The following LASP1 variants were observed in gnomAD, a reference collection of about 807,000 sequenced individuals.
LASP1 encodes the protein LIM and SH3 domain protein 1.
Under a neutral mutation model 38.6 loss-of-function variants are expected in LASP1, and 10 were observed. That is an observed-to-expected ratio of 0.26 (90% CI 0.16 to 0.44). LASP1 has a LOEUF of 0.44. Ranked by LOEUF, LASP1 falls within the 20% of genes least tolerant of loss-of-function variation. The pLI, the probability that LASP1 is intolerant of heterozygous loss-of-function variation, is 1.00. For synonymous variants in LASP1, 132 were observed against 140.8 expected (o/e 0.94, Z 0.44); for missense variants, 243 against 375.7 (o/e 0.65, Z 2.92).
chr17:38,914,718 A>T (rs918279892), intron 5 of LASP1, among the ~76,000 whole-genome samples: 4 of 151,586 alleles, frequency 2.6e-5, no homozygotes, highest in Non-Finnish European at 5.9e-5. Context: ...ACACACATGC[A>T]CGCACGCATG....
At position 38,916,032 on chromosome 17, in the gene LASP1, G is replaced by GGACT. The variant is rs1487142536; in HGVS notation, c.612+886_612+887insGACT. The GGACT allele has an allele frequency of 3.3e-5, 5 of 152,298 alleles. 1 individual carries two copies. The highest frequency in any genetic ancestry group is 7.3e-5 in the Non-Finnish European group (5 of 68,100). The allele number at this position is 152,298 out of a possible 1,614,324, so 9.4% of individuals were successfully genotyped here. On this transcript the variant is annotated intron_variant, in intron 6 of 6. Coordinates refer to ENST00000318008, the MANE Select transcript of LASP1 (RefSeq NM_006148.4). ...GCACTGTGGGCGCAAGAGTTAGTCT[G>GGACT]AAGTATAAGGTTCCAGGCAGCCCAG...
chr17:38,870,519 G>A (rs1281759635), intron 1 of LASP1, among the ~76,000 whole-genome samples: 1 of 152,220 alleles, frequency 6.6e-6, no homozygotes, highest in African/African-American at 2.4e-5. Flanking sequence ...TGGGAGGACG[G>A]GAGAGGAGCA....
intron 1 of LASP1, among the ~76,000 whole-genome samples, chr17:38,876,021 T>C (rs1176158680): frequency 6.6e-6 from 1 of 152,088 alleles, no homozygotes; most frequent in Non-Finnish European, 1.5e-5. Flanking sequence ...GTCCTGGCAG[T>C]GGACCCCTGT....
chr17:38,910,530 T>A (rs1277406669), intron 4 of LASP1, among the ~76,000 whole-genome samples: 2 of 151,732 alleles, frequency 1.3e-5, no homozygotes, highest in Non-Finnish European at 2.9e-5. Context: ...CTGGATTTGG[T>A]CCATGGACCA....
intron 2 of LASP1, among the ~76,000 whole-genome samples, chr17:38,889,336 T>G (rs571158562): frequency 1.3e-5 from 2 of 152,254 alleles, no homozygotes; most frequent in East Asian, 3.9e-4. Context: ...TTCAGCATAT[T>G]GACCAGGCTA....
chr17:38,909,748 T>TTCAC (rs1914878591), intron 4 of LASP1, among the ~76,000 whole-genome samples: 1 of 152,078 alleles, frequency 6.6e-6, no homozygotes, highest in South Asian at 2.1e-4. Flanking sequence ...CATTCATTCA[T>TTCAC]TCATTCATTC....
chr17:38,914,923 G>C, intron 5 of LASP1, 120 bp from the exon 6 acceptor site: 1 of 868,914 alleles, frequency 1.2e-6, no homozygotes, highest in Non-Finnish European at 1.9e-6. Context: ...CCTTTGAGCT[G>C]TGGGGCTTGA....
intron 4 of LASP1, among the ~76,000 whole-genome samples, chr17:38,905,693 T>C (rs1914760547): frequency 2.6e-5 from 4 of 152,278 alleles, no homozygotes; most frequent in Admixed American, 2.6e-4. Context: ...GTGTAGAGTG[T>C]GATAGCCGAT....
chr17:38,908,944 G>A (rs1914847779), intron 4 of LASP1, among the ~76,000 whole-genome samples: 1 of 152,238 alleles, frequency 6.6e-6, no homozygotes, highest in Admixed American at 6.5e-5. Context: ...AGCCCTGATG[G>A]GGCAGGGGCG....
At chr17:38,874,644 C>T (rs1465981212) in intron 1 of LASP1, among the ~76,000 whole-genome samples, 2 of 152,184 alleles carry the variant, frequency 1.3e-5, no homozygotes, top group African/African-American at 4.8e-5. Flanking sequence ...GTGGCTGCAG[C>T]TCCACTTGAC....
At chr17:38,881,087 C>T (rs537815879) in intron 2 of LASP1, among the ~76,000 whole-genome samples, 14 of 151,556 alleles carry the variant, frequency 9.2e-5, no homozygotes, top group Admixed American at 2.6e-4. Context: ...AGCGACAGAG[C>T]GAGACTCCAT....
rs541918201 is a variant in LASP1, at chr17:38,919,731, A to G, written c.*953A>G. The G allele has an allele frequency of 1.2e-4, 46 of 396,678 alleles. No homozygotes were observed. The South Asian group carries it at 1.2e-3, about 10-fold the overall frequency. 24.6% of individuals were successfully genotyped at this position (396,678 alleles called of 1,614,324 possible). ...TGCTCCTCATGGGAAGATGTCTCAGAGCCTTCCATGACCTCCCCTCCCCAG... is the reference window on the plus strand; with the variant it reads ...TGCTCCTCATGGGAAGATGTCTCAGGGCCTTCCATGACCTCCCCTCCCCAG... On this transcript the variant is annotated 3_prime_UTR_variant, in exon 7 of 7. Coordinates refer to ENST00000318008, the MANE Select transcript of LASP1 (RefSeq NM_006148.4).
At chr17:38,895,409 CT>C (rs1164967316) in intron 3 of LASP1, among the ~76,000 whole-genome samples, 2 of 152,026 alleles carry the variant, frequency 1.3e-5, no homozygotes, top group East Asian at 3.9e-4. Flanking sequence ...CAACCTCCGG[CT>C]CCCAGGTTCA....
At chr17:38,888,630 A>T (rs963867350) in intron 2 of LASP1, among the ~76,000 whole-genome samples, 2 of 152,240 alleles carry the variant, frequency 1.3e-5, no homozygotes, top group Admixed American at 1.3e-4. Context: ...CTATTCTAGG[A>T]ACTTGAGATA....
intron 1 of LASP1, 127 bp downstream of exon 1, chr17:38,870,385 G>A (rs1013133567): frequency 4.0e-5 from 44 of 1,106,612 alleles, no homozygotes; most frequent in Non-Finnish European, 5.5e-5. Context: ...GAGGGCGAGC[G>A]GGCGGTGTCA....
At chr17:38,896,522 A>G (rs1914495978) in intron 3 of LASP1, among the ~76,000 whole-genome samples, 1 of 152,182 alleles carries the variant, frequency 6.6e-6, no homozygotes, top group Non-Finnish European at 1.5e-5. Context: ...TGCTGATGTC[A>G]TTGCAGCGTC....
chr17:38,906,474 A>G (rs1229122580), intron 4 of LASP1, among the ~76,000 whole-genome samples: 1 of 152,172 alleles, frequency 6.6e-6, no homozygotes, highest in Non-Finnish European at 1.5e-5. Flanking sequence ...GGTTGCAGTG[A>G]GCTGAGATCG....
rs1158718761 is a variant in LASP1, at chr17:38,899,409, G to T, written c.357+890G>T. On this transcript the variant is annotated intron_variant, in intron 4 of 6. Coordinates refer to ENST00000318008, the MANE Select transcript of LASP1 (RefSeq NM_006148.4). ...ACTGGGGATAGAGATTGCCGGGGGAGCCTGGCTTTCCGGTGGTCTCAGCAC... is the reference window on the plus strand; with the variant it reads ...ACTGGGGATAGAGATTGCCGGGGGATCCTGGCTTTCCGGTGGTCTCAGCAC... Among the ~76,000 whole-genome samples the T allele has an allele frequency of 3.3e-5, 5 of 151,988 alleles. No homozygotes were observed. The East Asian group carries it at 5.8e-4, about 18-fold the overall frequency.
chr17:38,890,887 C>T (rs537068964), intron 3 of LASP1, among the ~76,000 whole-genome samples: 165 of 152,320 alleles, frequency 1.1e-3, no homozygotes, highest in Non-Finnish European at 2.2e-3. Context: ...GGCTGGGCAA[C>T]CAACCCTCTA....
Sources: allele counts gnomAD v4.1 joint callset (sites outside exome capture counted in the v4.1 genomes callset), GRCh38; gene constraint gnomAD v4.1.1; transcripts MANE v1.5; gene names NCBI Gene and HGNC (gene_info 2026-07-23, HGNC 2026-07-21).